NCKAP5: variants seen among roughly 807,000 people sequenced by gnomAD.
NCKAP5 encodes the protein NCK associated protein 5.
A neutral mutation model predicts 167.0 loss-of-function variants in NCKAP5; 92 were observed. That is an observed-to-expected ratio of 0.55 (90% CI 0.47 to 0.66). The LOEUF is 0.66. NCKAP5 is among the 30% of genes least tolerant of loss of function. NCKAP5 has a pLI of 0.00. For missense variants in NCKAP5, 2,378 were observed against 2,315.0 expected (o/e 1.03, Z -0.56); for synonymous variants, 891 against 877.4 (o/e 1.02, Z -0.27).
chr2:132,848,214 T>G (rs1427772505), intron 11 of NCKAP5, among the ~76,000 whole-genome samples: 4 of 152,208 alleles, frequency 2.6e-5, no homozygotes, highest in Non-Finnish European at 5.9e-5. Flanking sequence ...ACATCTCACA[T>G]GTCCTGTCCT....
chr2:132,939,038 A>G (rs2149091303), intron 8 of NCKAP5, among the ~76,000 whole-genome samples: 1 of 152,316 alleles, frequency 6.6e-6, no homozygotes, highest in South Asian at 2.1e-4. Flanking sequence ...TACTTTTTAA[A>G]TTATGAAACC....
At chr2:133,208,261 C>A (rs1366294071) in intron 5 of NCKAP5, among the ~76,000 whole-genome samples, 1 of 152,102 alleles carries the variant, frequency 6.6e-6, no homozygotes, top group Non-Finnish European at 1.5e-5. Context: ...AACTCTTGAG[C>A]CCGGCAGGAG....
intron 19 of NCKAP5, among the ~76,000 whole-genome samples, chr2:132,718,218 A>G (rs888882594): frequency 5.3e-5 from 8 of 152,064 alleles, no homozygotes; most frequent in African/African-American, 1.7e-4. Flanking sequence ...CAAATAAACT[A>G]GTGTAGAAGT....
Position 132,868,611 on chromosome 2 carries a change from G to A in NCKAP5, c.687+325C>T, listed in dbSNP as rs192546724. ...TAATGCTGTCCAAAAGAAGATACTC[G>A]TTTTATAGGAATTGGGAGAATTCAC... On this transcript the variant is annotated intron_variant, in intron 10 of 19. Coordinates refer to ENST00000409261, the MANE Select transcript of NCKAP5 (RefSeq NM_207363.3). 1.4e-4 allele frequency among the ~76,000 whole-genome samples: 21 copies of A among 152,128 alleles called. 1 individual carries two copies. The highest frequency in any genetic ancestry group is 9.8e-4 in the Admixed American group (15 of 15,268).
chr2:133,505,918 A>C (rs542905077), intron 3 of NCKAP5, among the ~76,000 whole-genome samples: 23 of 152,350 alleles, frequency 1.5e-4, no homozygotes, highest in African/African-American at 5.5e-4. Context: ...ATAGGGTGCC[A>C]CAGCCTCCAA....
chr2:133,064,040 A>T (rs1286579206), intron 6 of NCKAP5, among the ~76,000 whole-genome samples: 1 of 152,200 alleles, frequency 6.6e-6, no homozygotes, highest in Non-Finnish European at 1.5e-5. Context: ...ACCCAACCTC[A>T]GCGACTCACT....
At chr2:133,381,862 T>G (rs1686548332) in intron 3 of NCKAP5, among the ~76,000 whole-genome samples, 2 of 152,204 alleles carry the variant, frequency 1.3e-5, no homozygotes, top group Admixed American at 6.5e-5. Context: ...TGGCGGACCA[T>G]GCTCCTTGGT....
At chr2:133,191,048 C>A (rs2085196355) in intron 5 of NCKAP5, among the ~76,000 whole-genome samples, 1 of 152,204 alleles carries the variant, frequency 6.6e-6, no homozygotes, top group South Asian at 2.1e-4. Flanking sequence ...TATACAGAAT[C>A]TACAAAGAAC....
chr2:133,671,555 T>C, the NCKAP5 span, among the ~76,000 whole-genome samples: 1 of 152,102 alleles, frequency 6.6e-6, no homozygotes, highest in East Asian at 1.9e-4. Context: ...TGAGCTCGCA[T>C]GTTCAGGCCC....
In NCKAP5 at chr2:132,783,948, TG is replaced by T; in HGVS notation, c.2862del (p.Lys955SerfsTer20). On this transcript the variant is annotated frameshift_variant, in exon 14 of 20. Coordinates refer to ENST00000409261, the MANE Select transcript of NCKAP5 (RefSeq NM_207363.3). LOFTEE classifies it high-confidence loss of function. ...TCACTGGGGACCCTGGTTTCGGACT[TG>T]GTGGATGAAGGTGCTGGTGAATAGT... is the stretch of plus-strand genomic sequence containing the variant. ...SYDYSPAPSS[T>X]KSETRVPSET... is the part of the protein sequence containing the mutation. 1 of 1,589,018 alleles carries T rather than the reference TG, an allele frequency of 6.3e-7. No homozygotes were observed. Among genetic ancestry groups the T allele is most frequent in the Non-Finnish European group, 8.5e-7 (1 of 1,170,144 alleles).
chr2:133,370,684 A>T (rs1685745594), intron 3 of NCKAP5, among the ~76,000 whole-genome samples: 1 of 151,882 alleles, frequency 6.6e-6, no homozygotes, highest in Admixed American at 6.6e-5. Context: ...AAGTCAATTT[A>T]AAAAGTTTGG....
In NCKAP5 at chr2:132,920,763, A is replaced by ATATGTATG. The variant is rs1558943135; in HGVS notation, c.580-41855_580-41848dup. Among the ~76,000 whole-genome samples, 25 of 69,266 alleles carry ATATGTATG rather than the reference A, an allele frequency of 3.6e-4. 2 individuals are homozygous for ATATGTATG. The highest frequency in any genetic ancestry group is 1.5e-3 in the African/African-American group (22 of 14,718). 45.4% of individuals were successfully genotyped at this position (69,266 alleles called of 152,430 possible). On this transcript the variant is annotated intron_variant, in intron 8 of 19. Transcript: ENST00000409261. Reference sequence around the variant, plus strand: ...TATATGTGTATATATATATGTATATATATGTATGTATATATATATATATAT... The same window carrying ATATGTATG: ...TATATGTGTATATATATATGTATATATATGTATGTATGTATGTATATATATATATATAT...
intron 16 of NCKAP5, among the ~76,000 whole-genome samples, chr2:132,737,574 G>A (rs1691638603): frequency 2.0e-5 from 3 of 152,132 alleles, no homozygotes; most frequent in African/African-American, 7.2e-5. Context: ...CTTAGGGTGT[G>A]TGGCTGAAAA....
chr2:133,141,448 C>T (rs1256529487), intron 5 of NCKAP5, among the ~76,000 whole-genome samples: 1 of 151,436 alleles, frequency 6.6e-6, no homozygotes, highest in African/African-American at 2.4e-5. Flanking sequence ...ACTAAGAATC[C>T]TTTTTATCCT....
intron 6 of NCKAP5, among the ~76,000 whole-genome samples, chr2:133,102,887 T>C (rs1407251682): frequency 6.6e-6 from 1 of 151,606 alleles, no homozygotes. Context: ...GAGAGCTGGA[T>C]TCAAGTCCCG....
chr2:133,399,797 G>A (rs572993211), intron 3 of NCKAP5, among the ~76,000 whole-genome samples: 2 of 151,940 alleles, frequency 1.3e-5, no homozygotes, highest in African/African-American at 4.8e-5. Flanking sequence ...AAAAAGTAGG[G>A]GGTACTTATG....
chr2:133,291,490 C>A (rs1382861898), intron 4 of NCKAP5, among the ~76,000 whole-genome samples: 2 of 152,176 alleles, frequency 1.3e-5, no homozygotes, highest in Non-Finnish European at 2.9e-5. Flanking sequence ...GGTGACAGAT[C>A]TCCCCTATTG....
intron 8 of NCKAP5, among the ~76,000 whole-genome samples, chr2:132,884,096 T>C (rs1208486559): frequency 2.0e-5 from 3 of 152,216 alleles, no homozygotes; most frequent in Non-Finnish European, 4.4e-5. Flanking sequence ...GTTTTGATCC[T>C]TGGCTTTGAC....
chr2:132,682,744 T>G (rs1399285254), intron 19 of NCKAP5, among the ~76,000 whole-genome samples: 1 of 152,200 alleles, frequency 6.6e-6, no homozygotes, highest in African/African-American at 2.4e-5. Flanking sequence ...TTTGATCTTC[T>G]TCCATTTTCA....
Sources: gnomAD v4.1 joint callset for allele counts (sites outside exome capture counted in the v4.1 genomes callset) on GRCh38, gnomAD v4.1.1 for gene constraint, MANE v1.5 for transcripts, NCBI Gene and HGNC (gene_info 2026-07-23, HGNC 2026-07-21) for gene names.